Variants in DLGAP2 observed in about 807,000 individuals in gnomAD.
DLGAP2 encodes DLG associated protein 2.
In DLGAP2, 26 loss-of-function variants were observed where a neutral mutation model predicts 100.3. The ratio of observed to expected loss-of-function variants is 0.26; its 90% CI spans 0.19 to 0.36. The LOEUF (loss-of-function observed/expected upper bound fraction) is 0.36, where lower values mean the gene tolerates loss of function less well. Among genes scored for constraint, DLGAP2 ranks in the 10% least tolerant of loss-of-function variants. The pLI is 1.00. For missense variants in DLGAP2, 1,858 were observed against 1,453.2 expected (o/e 1.28, Z -4.53); for synonymous variants, 886 against 630.1 (o/e 1.41, Z -6.08).
rs376906792 is a variant in DLGAP2 at position 785,312 on chromosome 8, C to G, written c.18+47487C>G. 2.7e-3 allele frequency among the ~76,000 whole-genome samples: 397 copies of G among 149,664 alleles called. 1 individual carries two copies. Among genetic ancestry groups the G allele is most frequent in the African/African-American group, 9.5e-3 (388 of 40,772 alleles). On this transcript the variant is annotated intron_variant, in intron 1 of 14. Coordinates refer to ENST00000637795, the MANE Select transcript of DLGAP2 (RefSeq NM_001346810.2). ...GCCATGCTTGAGCCAAAGCTCTGGGCGATTCCCATGTGGCTCAGGCTGAAA... is the reference window on the plus strand; with the variant it reads ...GCCATGCTTGAGCCAAAGCTCTGGGGGATTCCCATGTGGCTCAGGCTGAAA...
rs566426552 is a variant in DLGAP2, at chr8:771,048, C to T, written c.18+33223C>T. On this transcript the variant is annotated intron_variant, in intron 1 of 14. Coordinates refer to ENST00000637795, the MANE Select transcript of DLGAP2 (RefSeq NM_001346810.2). ...GTCCTATTCTCCAGACAGGTGCCTT[C>T]CAGCTCCATTTCTCCATTTCGTGAA... Among the ~76,000 whole-genome samples, 7 of 152,188 alleles carry T rather than the reference C, an allele frequency of 4.6e-5. No homozygotes were observed. In the South Asian group the frequency reaches 8.3e-4, roughly 18 times the overall value.
At chr8:802,784 T>A (rs1796197327) in intron 1 of DLGAP2, among the ~76,000 whole-genome samples, 1 of 152,076 alleles carries the variant, frequency 6.6e-6, no homozygotes, top group African/African-American at 2.4e-5. Flanking sequence ...TCTCTTCAGG[T>A]CCCAAGTACC....
intron 3 of DLGAP2, among the ~76,000 whole-genome samples, chr8:1,333,822 T>C (rs1254846737): frequency 3.3e-5 from 5 of 152,204 alleles, no homozygotes; most frequent in African/African-American, 1.2e-4. Context: ...CCCGAACTTA[T>C]CTAGCAGAGC....
chr8:1,118,239 G>C (rs1795942124), intron 2 of DLGAP2, among the ~76,000 whole-genome samples: 2 of 152,206 alleles, frequency 1.3e-5, no homozygotes, highest in South Asian at 4.1e-4. Context: ...TATGTAAGTA[G>C]GATGTGAGCT....
At chr8:1,565,184 G>T (rs1438426017) in intron 5 of DLGAP2, among the ~76,000 whole-genome samples, 1 of 152,232 alleles carries the variant, frequency 6.6e-6, no homozygotes, top group Non-Finnish European at 1.5e-5. Context: ...TTGCAACTCT[G>T]AGTACTGAGA....
At chr8:1,267,605 AGATAAGATAAGATAAGAT>A (rs1799488487) in intron 3 of DLGAP2, among the ~76,000 whole-genome samples, 1 of 99,900 alleles carries the variant, frequency 1.0e-5, no homozygotes, top group African/African-American at 5.3e-5. Context: ...AGATAAGATA[AGATAAGATAAGATAAGAT>A]AAATATTAAA....
intron 1 of DLGAP2, among the ~76,000 whole-genome samples, chr8:862,393 T>G (rs760335195): frequency 3.6e-4 from 54 of 151,958 alleles, no homozygotes; most frequent in Admixed American, 8.5e-4. Flanking sequence ...GCCTCCGCCT[T>G]CCGGGTTCAT....
chr8:1,314,263 A>G (rs1243977684), intron 3 of DLGAP2, among the ~76,000 whole-genome samples: 1 of 152,176 alleles, frequency 6.6e-6, no homozygotes, highest in African/African-American at 2.4e-5. Flanking sequence ...CACGTGAAAT[A>G]CTTTTGGTCA....
chr8:753,991 C>G (rs1229845167), intron 1 of DLGAP2: 1 of 152,258 alleles, frequency 6.6e-6, no homozygotes, highest in African/African-American at 2.4e-5. Context: ...TTCAACAGCC[C>G]TGCCTTCTTG....
At chr8:1,468,360 C>G (rs1798684820) in intron 3 of DLGAP2, among the ~76,000 whole-genome samples, 1 of 151,804 alleles carries the variant, frequency 6.6e-6, no homozygotes, top group Non-Finnish European at 1.5e-5. Context: ...GTCCTGAGTC[C>G]CCAGCAGCCT....
chr8:957,479 A>G (rs557543587), intron 2 of DLGAP2, among the ~76,000 whole-genome samples: 57 of 152,342 alleles, frequency 3.7e-4, no homozygotes, highest in African/African-American at 1.3e-3. Flanking sequence ...TGTCCAAAAC[A>G]CCAGCCTAGA....
chr8:1,576,678 C>T (rs1802993324), intron 6 of DLGAP2, among the ~76,000 whole-genome samples: 3 of 152,000 alleles, frequency 2.0e-5, no homozygotes, highest in South Asian at 2.1e-4. Flanking sequence ...GTTTCAGCTA[C>T]GTATGGCTAG....
chr8:910,060 C>T (rs148664929), intron 2 of DLGAP2, among the ~76,000 whole-genome samples: 234 of 152,262 alleles, frequency 1.5e-3, no homozygotes, highest in African/African-American at 5.0e-3. Flanking sequence ...ACCAAGTTTC[C>T]GTTTTGGAAG....
At chr8:1,164,280 G>A (rs1175807566) in intron 2 of DLGAP2, among the ~76,000 whole-genome samples, 2 of 125,500 alleles carry the variant, frequency 1.6e-5, no homozygotes, top group African/African-American at 5.3e-5. Context: ...TTGGTTTGTG[G>A]GGACTGATTG....
intron 3 of DLGAP2, among the ~76,000 whole-genome samples, chr8:1,321,921 C>G (rs1800910644): frequency 6.6e-6 from 1 of 152,174 alleles, no homozygotes; most frequent in African/African-American, 2.4e-5. Context: ...ACCAAACAAA[C>G]TGATTCAGTA....
intron 2 of DLGAP2, 111 bp from the exon 3 acceptor site, chr8:1,258,740 C>A: frequency 2.1e-6 from 2 of 954,988 alleles, no homozygotes; most frequent in South Asian, 5.5e-5. Flanking sequence ...CTGGTGTGGT[C>A]AAGCGGCGTC....
chr8:988,669 C>T (rs1044131147), intron 2 of DLGAP2, among the ~76,000 whole-genome samples: 3 of 152,134 alleles, frequency 2.0e-5, no homozygotes, highest in South Asian at 2.1e-4. Flanking sequence ...CGTGATTTGC[C>T]GTGGCTCTGA....
intron 3 of DLGAP2, among the ~76,000 whole-genome samples, chr8:1,388,718 T>A (rs1168569112): frequency 1.2e-5 from 1 of 83,720 alleles, no homozygotes; most frequent in Non-Finnish European, 2.5e-5. Context: ...AGGCCGTGGA[T>A]GAGGAGGCGC....
At chr8:904,982 C>T (rs957678764) in intron 1 of DLGAP2, among the ~76,000 whole-genome samples, 1 of 152,204 alleles carries the variant, frequency 6.6e-6, no homozygotes, top group African/African-American at 2.4e-5. Flanking sequence ...GACGTGTGCT[C>T]AGCCTTCCAG....
Sources: gnomAD v4.1 joint callset for allele counts (sites outside exome capture counted in the v4.1 genomes callset) on GRCh38, gnomAD v4.1.1 for gene constraint, MANE v1.5 for transcripts, NCBI Gene and HGNC (gene_info 2026-07-23, HGNC 2026-07-21) for gene names.